Variants in KIF6 observed in about 807,000 individuals in gnomAD.
KIF6 encodes the protein kinesin-like protein KIF6.
A neutral mutation model predicts 112.7 loss-of-function variants in KIF6; 106 were observed. The observed-to-expected ratio is 0.94, with a 90% CI of 0.80 to 1.11. The LOEUF is 1.11. KIF6 is among the 50% of genes least tolerant of loss of function. The pLI is 0.00. For synonymous variants in KIF6, 339 were observed against 339.9 expected (o/e 1.00, Z 0.03); for missense variants, 929 against 964.0 (o/e 0.96, Z 0.48).
intron 13 of KIF6, among the ~76,000 whole-genome samples, chr6:39,447,095 G>A (rs963655040): frequency 3.3e-5 from 5 of 152,228 alleles, no homozygotes; most frequent in East Asian, 1.9e-4. Context: ...TACAAATGAC[G>A]GGTTAGCAAT....
At chr6:39,523,647 TATATATA>T (rs1777528140) in intron 13 of KIF6, among the ~76,000 whole-genome samples, 1 of 1,186 alleles carries the variant, frequency 8.4e-4, no homozygotes, top group Non-Finnish European at 1.7e-3. Flanking sequence ...AATTCTGCCA[TATATATA>T]TATATATATA....
chr6:39,553,451 CA>C (rs1258124873), intron 10 of KIF6, among the ~76,000 whole-genome samples: 1 of 152,090 alleles, frequency 6.6e-6, no homozygotes, highest in Non-Finnish European at 1.5e-5. Flanking sequence ...AATTAAAATC[CA>C]GACTGGTTTG....
chr6:39,581,463 C>T (rs902801333), intron 9 of KIF6, among the ~76,000 whole-genome samples: 1 of 151,908 alleles, frequency 6.6e-6, no homozygotes, highest in Non-Finnish European at 1.5e-5. Flanking sequence ...GCCCGCTTTA[C>T]TCATTTTCTA....
intron 10 of KIF6, among the ~76,000 whole-genome samples, chr6:39,546,128 T>C (rs770965684): frequency 6.6e-6 from 1 of 152,196 alleles, no homozygotes; most frequent in Non-Finnish European, 1.5e-5. Context: ...TTCTTCACAG[T>C]GCCTATTCCA....
chr6:39,597,552 T>A (rs1170968012), intron 6 of KIF6, among the ~76,000 whole-genome samples: 5 of 152,090 alleles, frequency 3.3e-5, no homozygotes, highest in Admixed American at 6.6e-5. Context: ...GGTGCTGGAA[T>A]AACCAACTAT....
intron 13 of KIF6, among the ~76,000 whole-genome samples, chr6:39,502,636 AG>A (rs1428275734): frequency 1.3e-5 from 2 of 152,212 alleles, no homozygotes; most frequent in Non-Finnish European, 2.9e-5. Context: ...CTCAAAATAA[AG>A]GGATGGAGGA....
intron 5 of KIF6, among the ~76,000 whole-genome samples, chr6:39,630,658 T>G (rs1784307410): frequency 6.6e-6 from 1 of 152,022 alleles, no homozygotes; most frequent in Non-Finnish European, 1.5e-5. Context: ...TCCCAATAAC[T>G]TTAATTTCTT....
intron 3 of KIF6, among the ~76,000 whole-genome samples, chr6:39,675,709 T>G (rs1344049464): frequency 6.6e-6 from 1 of 151,968 alleles, no homozygotes; most frequent in Non-Finnish European, 1.5e-5. Flanking sequence ...TTTAAAATTA[T>G]TAAATACCCA....
At chr6:39,548,501 T>G (rs1779185443) in intron 10 of KIF6, among the ~76,000 whole-genome samples, 1 of 152,260 alleles carries the variant, frequency 6.6e-6, no homozygotes, top group African/African-American at 2.4e-5. Context: ...GCTATTTTGC[T>G]TTCAGCACTT....
At chr6:39,546,636 A>G (rs1779081776) in intron 10 of KIF6, among the ~76,000 whole-genome samples, 1 of 151,756 alleles carries the variant, frequency 6.6e-6, no homozygotes, top group African/African-American at 2.4e-5. Flanking sequence ...GACCAGCCTG[A>G]CCAACAGAGT....
intron 6 of KIF6, among the ~76,000 whole-genome samples, chr6:39,611,766 A>G (rs112680160): frequency 0.031 from 4,790 of 152,314 alleles, 110 homozygotes; most frequent in Middle Eastern, 0.054. Context: ...AACAGGATTT[A>G]GTGGAGCATG....
intron 10 of KIF6, among the ~76,000 whole-genome samples, chr6:39,568,616 C>A (rs1191393006): frequency 6.6e-6 from 1 of 151,646 alleles, no homozygotes; most frequent in East Asian, 1.9e-4. Flanking sequence ...AGTGGCGCAA[C>A]CTGGACTCAC....
chr6:39,658,003 C>A (rs1785902128), intron 3 of KIF6, among the ~76,000 whole-genome samples: 1 of 152,162 alleles, frequency 6.6e-6, no homozygotes, highest in Non-Finnish European at 1.5e-5. Flanking sequence ...CAGACTTGTG[C>A]ATATACATAA....
chr6:39,678,092 C>T (rs1270885661), intron 3 of KIF6, among the ~76,000 whole-genome samples: 1 of 151,812 alleles, frequency 6.6e-6, no homozygotes, highest in Non-Finnish European at 1.5e-5. Context: ...CAAATCAAAA[C>T]CACTATGAGA....
At chr6:39,724,065 T>C (rs1211907439) in intron 1 of KIF6, among the ~76,000 whole-genome samples, 1 of 152,184 alleles carries the variant, frequency 6.6e-6, no homozygotes, top group East Asian at 1.9e-4. Context: ...ATAATGCAGA[T>C]AAAGCACCTG....
At chr6:39,451,891 G>T (rs779634382) in intron 13 of KIF6, among the ~76,000 whole-genome samples, 85 of 152,222 alleles carry the variant, frequency 5.6e-4, no homozygotes, top group Non-Finnish European at 1.0e-3. Flanking sequence ...CTGTCCAGAA[G>T]AGCTTACTTA....
intron 10 of KIF6, among the ~76,000 whole-genome samples, chr6:39,549,634 C>T (rs1460873958): frequency 6.6e-6 from 1 of 152,078 alleles, no homozygotes; most frequent in Non-Finnish European, 1.5e-5. Context: ...ATTGAGGAGG[C>T]AAATAGGTGG....
intron 3 of KIF6, among the ~76,000 whole-genome samples, chr6:39,685,159 C>T (rs918249161): frequency 6.6e-6 from 1 of 152,252 alleles, no homozygotes; most frequent in East Asian, 1.9e-4. Context: ...GCAGATACTA[C>T]AATGAACTGA....
At chr6:39,337,584 T>C (rs1054176619) in intron 22 of KIF6, among the ~76,000 whole-genome samples, 5 of 152,104 alleles carry the variant, frequency 3.3e-5, no homozygotes, top group African/African-American at 1.2e-4. Context: ...AGTGCTGGGA[T>C]TACAGGTGTG....
Sources: gnomAD v4.1 joint callset for allele counts (sites outside exome capture counted in the v4.1 genomes callset) on GRCh38, gnomAD v4.1.1 for gene constraint, MANE v1.5 for transcripts, NCBI Gene and HGNC (gene_info 2026-07-23, HGNC 2026-07-21) for gene names.